The following FAT3 variants were observed in gnomAD, a reference collection of about 807,000 sequenced individuals.
FAT3 encodes protocadherin Fat 3.
Under a neutral mutation model 310.2 loss-of-function variants are expected in FAT3, and 95 were observed. That is an observed-to-expected ratio of 0.31 (90% confidence interval 0.26 to 0.36). FAT3 has a LOEUF of 0.36. FAT3 is among the 10% of genes least tolerant of loss of function. FAT3 has a pLI of 1.00. For missense variants in FAT3, 5,408 were observed against 5,715.6 expected, an observed-to-expected ratio of 0.95 and a Z score of 1.74; for synonymous variants, 2,314 against 2,192.9, an observed-to-expected ratio of 1.06 and a Z score of -1.54.
At chr11:92,244,042 A>C (rs561345932) in intron 1 of FAT3, among the ~76,000 whole-genome samples, 1 of 151,832 alleles carries the variant, frequency 6.6e-6, no homozygotes, top group South Asian at 2.1e-4. Flanking sequence ...CTGCCTTACC[A>C]CTCTTTCCTC....
At chr11:92,489,663 A>G (rs989069752) in intron 2 of FAT3, among the ~76,000 whole-genome samples, 7 of 152,116 alleles carry the variant, frequency 4.6e-5, no homozygotes, top group Non-Finnish European at 7.4e-5. Context: ...CAAATTTATA[A>G]CACCTACCAG....
chr11:92,269,820 C>A (rs1946074689), intron 1 of FAT3, among the ~76,000 whole-genome samples: 1 of 152,044 alleles, frequency 6.6e-6, no homozygotes, highest in Non-Finnish European at 1.5e-5. Flanking sequence ...GCCACTGTAC[C>A]CCACTTCCCC....
At position 92,453,430 on chromosome 11, in the gene FAT3, A is replaced by AT. The variant is rs1234360825; in HGVS notation, c.3293-71196dup. 7.3e-5 allele frequency among the ~76,000 whole-genome samples: 11 copies of AT among 151,102 alleles called. No individual in the cohort carries two copies. In the East Asian group the frequency reaches 1.2e-3, roughly 16 times the overall value. On this transcript the variant is annotated intron_variant, in intron 2 of 27. Transcript: ENST00000525166. ...CAAGTTCTTTGGCCCCAAATAGAAG[A>AT]TTTTTTTTGTACCTATCCAGATTTC...
intron 4 of FAT3, among the ~76,000 whole-genome samples, chr11:92,726,269 T>C (rs1434511254): frequency 6.6e-6 from 1 of 152,196 alleles, no homozygotes; most frequent in Non-Finnish European, 1.5e-5. Flanking sequence ...CAAGGAATAA[T>C]CAACTTCTTA....
At chr11:92,786,332 A>G (rs1946893024) in intron 7 of FAT3, among the ~76,000 whole-genome samples, 1 of 152,152 alleles carries the variant, frequency 6.6e-6, no homozygotes, top group Admixed American at 6.5e-5. Flanking sequence ...AAAACACCAT[A>G]AGCAAAATAA....
chr11:92,697,783 A>G (rs1009952885), intron 4 of FAT3, among the ~76,000 whole-genome samples: 2 of 152,162 alleles, frequency 1.3e-5, no homozygotes, highest in Non-Finnish European at 2.9e-5. Context: ...ACGTAAAAAG[A>G]GAAAGAGCGT....
chr11:92,398,040 G>A (rs1949917709), intron 2 of FAT3, among the ~76,000 whole-genome samples: 1 of 152,038 alleles, frequency 6.6e-6, no homozygotes, highest in African/African-American at 2.4e-5. Flanking sequence ...TCAAGGTGTT[G>A]AGAGGGCCAC....
intron 1 of FAT3, among the ~76,000 whole-genome samples, chr11:92,344,046 GA>G (rs1948344737): frequency 6.6e-6 from 1 of 152,058 alleles, no homozygotes; most frequent in African/African-American, 2.4e-5. Context: ...TATCCCTTGG[GA>G]TCCCAAATTA....
Position 92,798,863 on chromosome 11 carries a change from C to T in FAT3, c.5850C>T (p.His1950=). 6.2e-7 allele frequency: 1 copy of T among 1,613,932 alleles called. No homozygotes were observed. The highest frequency in any genetic ancestry group is 2.2e-5 in the East Asian group (1 of 44,870). ...AAAACAACAACCTCTCCAAGGATCACTACATGCTGATAGTTAAGGTGTCTG... is the reference window on the plus strand; with the variant it reads ...AAAACAACAACCTCTCCAAGGATCATTACATGCTGATAGTTAAGGTGTCTG... The part of the protein sequence containing the change: ...TIKNNNLSKD[H]YMLIVKVSDG... The change falls in exon 10 of 28, where the codon CAC becomes CAT. Residue 1950 remains histidine, a synonymous_variant. Coordinates refer to ENST00000525166, the MANE Select transcript of FAT3 (RefSeq NM_001367949.2).
chr11:92,791,018 G>A (rs1473737731), intron 8 of FAT3, among the ~76,000 whole-genome samples: 1 of 152,142 alleles, frequency 6.6e-6, no homozygotes, highest in Non-Finnish European at 1.5e-5. Context: ...CACTAAGACA[G>A]TACAAATTCC....
At chr11:92,730,937 G>A (rs1314760901) in intron 4 of FAT3, among the ~76,000 whole-genome samples, 2 of 152,118 alleles carry the variant, frequency 1.3e-5, no homozygotes, top group Non-Finnish European at 2.9e-5. Flanking sequence ...AATGAGCAGA[G>A]CAGGTTCTTT....
intron 4 of FAT3, among the ~76,000 whole-genome samples, chr11:92,725,660 T>C (rs573965992): frequency 6.6e-6 from 1 of 152,328 alleles, no homozygotes; most frequent in South Asian, 2.1e-4. Flanking sequence ...TTGCTTTCTA[T>C]AAGCTGTTGC....
intron 2 of FAT3, among the ~76,000 whole-genome samples, chr11:92,451,147 G>C (rs958678835): frequency 3.3e-5 from 5 of 152,110 alleles, no homozygotes; most frequent in African/African-American, 1.2e-4. Flanking sequence ...CTGTAGCCTT[G>C]AGGGACCTTG....
rs1225541690 is a variant in FAT3 at position 92,857,100 on chromosome 11, CAT to C, written c.11366-111_11366-110del. On this transcript the variant is annotated intron_variant, in intron 19 of 27. Transcript: ENST00000525166. ...TCTTTGTGACTCAGCTCAGAGCCCA[CAT>C]ATCCCAGCTCTTGAGCCATTTGTGT... is the stretch of plus-strand genomic sequence containing the variant. 6 of 1,484,618 alleles carry C rather than the reference CAT, an allele frequency of 4.0e-6. No individual in the cohort carries two copies. The African/African-American group carries it at 8.3e-5, about 21-fold the overall frequency. The allele number at this position is 1,484,618 out of a possible 1,614,324, so 92.0% of individuals were successfully genotyped here.
intron 1 of FAT3, among the ~76,000 whole-genome samples, chr11:92,245,258 G>A (rs983105563): frequency 6.4e-4 from 97 of 151,754 alleles, no homozygotes; most frequent in African/African-American, 2.2e-3. Flanking sequence ...ACCAAACATC[G>A]CATGTTCTCA....
intron 3 of FAT3, among the ~76,000 whole-genome samples, chr11:92,636,194 C>T (rs1941762861): frequency 6.6e-6 from 1 of 152,096 alleles, no homozygotes; most frequent in Non-Finnish European, 1.5e-5. Flanking sequence ...AACTCCTGAC[C>T]TCAAGTGATG....
intron 4 of FAT3, among the ~76,000 whole-genome samples, chr11:92,726,814 G>A (rs1945015306): frequency 6.6e-6 from 1 of 150,986 alleles, no homozygotes; most frequent in South Asian, 2.1e-4. Context: ...CAGTAGCAGT[G>A]GGCTGACAGA....
At chr11:92,767,695 C>T (rs141566679) in intron 6 of FAT3, among the ~76,000 whole-genome samples, 5 of 152,158 alleles carry the variant, frequency 3.3e-5, no homozygotes, top group African/African-American at 1.2e-4. Context: ...GCAAGTTTCT[C>T]ATGTCAGCAT....
At chr11:92,657,612 A>G (rs1942629686) in intron 3 of FAT3, among the ~76,000 whole-genome samples, 1 of 152,240 alleles carries the variant, frequency 6.6e-6, no homozygotes. Flanking sequence ...GCCCTCCCAG[A>G]TGAGTTACAC....
Sources: allele counts gnomAD v4.1 joint callset (sites outside exome capture counted in the v4.1 genomes callset), GRCh38; gene constraint gnomAD v4.1.1; transcripts MANE v1.5; gene names NCBI Gene and HGNC (gene_info 2026-07-23, HGNC 2026-07-21).